The following SMUG1 variants were observed in gnomAD, a reference collection of about 807,000 sequenced individuals.
The protein encoded by SMUG1 is single-strand selective monofunctional uracil DNA glycosylase.
A neutral mutation model predicts 23.9 loss-of-function variants in SMUG1; 13 were observed. That is an observed-to-expected ratio of 0.54 (90% CI 0.35 to 0.86). SMUG1 has a LOEUF of 0.86. Ranked by LOEUF, SMUG1 falls within the 40% of genes least tolerant of loss-of-function variation. The pLI is 0.01. For synonymous variants in SMUG1, 133 were observed against 139.8 expected, an observed-to-expected ratio of 0.95 and a Z score of 0.34; for missense variants, 313 against 339.5, an observed-to-expected ratio of 0.92 and a Z score of 0.61.
chr12:54,171,712 A>G (rs1940625500), intron 3 of SMUG1, among the ~76,000 whole-genome samples: 1 of 143,286 alleles, frequency 7.0e-6, no homozygotes, highest in Non-Finnish European at 1.5e-5. Flanking sequence ...AAAAAAAGCT[A>G]TAGACTTGTG....
At chr12:54,159,081 AC>A (rs1307306319) in intron 4 of SMUG1, among the ~76,000 whole-genome samples, 4 of 151,040 alleles carry the variant, frequency 2.6e-5, no homozygotes, top group South Asian at 2.1e-4. Context: ...GTGCCCCCAC[AC>A]CCTCCTCACC....
intron 2 of SMUG1, among the ~76,000 whole-genome samples, chr12:54,174,836 T>G (rs1226451689): frequency 6.6e-6 from 1 of 152,168 alleles, no homozygotes; most frequent in Non-Finnish European, 1.5e-5. Context: ...TTTGCAGGTG[T>G]TTTGTTTGTT....
downstream of SMUG1, among the ~76,000 whole-genome samples, chr12:54,175,955 A>T (rs1940740241): frequency 6.6e-6 from 1 of 152,226 alleles, no homozygotes; most frequent in Non-Finnish European, 1.5e-5. Context: ...GGCCAGGCAC[A>T]GTGGCTCACG....
At chr12:54,177,995 G>C (rs1940797004), downstream of SMUG1, among the ~76,000 whole-genome samples, 1 of 152,146 alleles carries the variant, frequency 6.6e-6, no homozygotes, top group African/African-American at 2.4e-5. Context: ...AGGTTAAATT[G>C]GGTAATAAGG....
chr12:54,162,879 TA>T (rs1227281892), downstream of SMUG1: 1 of 152,192 alleles, frequency 6.6e-6, no homozygotes, highest in African/African-American at 2.4e-5. Flanking sequence ...AGAGCTTGGT[TA>T]TTTGCCCAGG....
intron 2 of SMUG1, among the ~76,000 whole-genome samples, chr12:54,174,164 C>T (rs2136549368): frequency 6.6e-6 from 1 of 152,278 alleles, no homozygotes; most frequent in Middle Eastern, 3.4e-3. Flanking sequence ...ACCTTCCATA[C>T]AGCCAGGTAA....
At position 54,181,722 on chromosome 12, in the gene SMUG1, G is replaced by A; in HGVS notation, c.*374C>T. The A allele has an allele frequency of 6.5e-7, 1 of 1,533,584 alleles. No homozygotes were observed. The highest frequency in any genetic ancestry group is 8.7e-7 in the Non-Finnish European group (1 of 1,144,422). The allele number at this position is 1,533,584 out of a possible 1,614,324, so 95.0% of individuals were successfully genotyped here. ...GGTATCCTGGCAAGATATTTCCTCT[G>A]AAATAGTAAACGTGACCTTAGAAGT... On this transcript the variant is annotated 3_prime_UTR_variant, in exon 4 of 4. Transcript: ENST00000682136.
intron 2 of SMUG1, among the ~76,000 whole-genome samples, chr12:54,173,652 G>A (rs1940683459): frequency 6.6e-6 from 1 of 152,204 alleles, no homozygotes; most frequent in Admixed American, 6.5e-5. Flanking sequence ...AGGAGCTGGG[G>A]GCCAGAGCGG....
chr12:54,165,841 T>C (rs143850917), intron 3 of SMUG1, among the ~76,000 whole-genome samples: 1 of 152,308 alleles, frequency 6.6e-6, no homozygotes, highest in African/African-American at 2.4e-5. Context: ...CTCAGCTTCC[T>C]AGATGAAACC....
chr12:54,164,233 G>A (rs1207035626), downstream of SMUG1, among the ~76,000 whole-genome samples: 1 of 151,828 alleles, frequency 6.6e-6, no homozygotes, highest in Non-Finnish European at 1.5e-5. Context: ...AGAAATGGAT[G>A]GCAGAGAAGG....
chr12:54,174,869 A>G (rs1364619012), intron 2 of SMUG1, among the ~76,000 whole-genome samples: 1 of 152,226 alleles, frequency 6.6e-6, no homozygotes, highest in Non-Finnish European at 1.5e-5. Context: ...TGAGAGGGTG[A>G]GGGCCAAAAT....
At chr12:54,178,857 G>C (rs1171335130), downstream of SMUG1, among the ~76,000 whole-genome samples, 1 of 152,162 alleles carries the variant, frequency 6.6e-6, no homozygotes, top group Non-Finnish European at 1.5e-5. Context: ...ATTTGAGTTA[G>C]TAGACTGGGA....
intron 1 of SMUG1, chr12:54,188,589 A>C (rs903055603): frequency 4.6e-5 from 7 of 152,144 alleles, no homozygotes; most frequent in African/African-American, 1.7e-4. Flanking sequence ...GCGCCATTGC[A>C]CTCCAGCCTG....
At chr12:54,160,159 T>C (rs549820495), downstream of SMUG1, among the ~76,000 whole-genome samples, 2 of 152,296 alleles carry the variant, frequency 1.3e-5, no homozygotes, top group Admixed American at 1.3e-4. Flanking sequence ...AGGTCAAAGA[T>C]GGCAGCTGGC....
At chr12:54,182,704 C>A (rs906018947) in intron 3 of SMUG1, 81 bp from the exon 4 acceptor site, 6 of 1,524,068 alleles carry the variant, frequency 3.9e-6, no homozygotes, top group Admixed American at 2.2e-5. Context: ...CTTCTTTATA[C>A]CTTACATGAG....
At chr12:54,160,113 C>T (rs79484923), downstream of SMUG1, among the ~76,000 whole-genome samples, 3,102 of 152,314 alleles carry the variant, frequency 0.02, 115 homozygotes, top group African/African-American at 0.071. Context: ...CATCTCCCAG[C>T]TGAATGGGCA....
In SMUG1 at chr12:54,181,836, A is replaced by G. The variant is rs3136391; in HGVS notation, c.*260T>C. ...GCAAGTGCAAAAGCACACCTTCTGCAGATTCCCTACAAAGTGGGGTCCCCT... is the reference window on the plus strand; with the variant it reads ...GCAAGTGCAAAAGCACACCTTCTGCGGATTCCCTACAAAGTGGGGTCCCCT... On this transcript the variant is annotated 3_prime_UTR_variant, in exon 4 of 4. Coordinates refer to ENST00000682136, the MANE Select transcript of SMUG1 (RefSeq NM_001243787.2). 2.7e-3 allele frequency: 3,786 copies of G among 1,422,846 alleles called. 78 individuals carry two copies. In the African/African-American group the frequency reaches 0.046, roughly 17 times the overall value. 88.1% of individuals were successfully genotyped at this position (1,422,846 alleles called of 1,614,324 possible).
chr12:54,160,862 G>A (rs1354790474), downstream of SMUG1, among the ~76,000 whole-genome samples: 3 of 152,230 alleles, frequency 2.0e-5, no homozygotes, highest in Non-Finnish European at 2.9e-5. Context: ...GAGACCAGCC[G>A]TGGCTGGAGG....
chr12:54,160,033 C>T (rs1940194422), downstream of SMUG1, among the ~76,000 whole-genome samples: 1 of 152,196 alleles, frequency 6.6e-6, no homozygotes, highest in Admixed American at 6.5e-5. Context: ...GGGCTTTCAC[C>T]TTGACAGTTT....
Sources: allele counts gnomAD v4.1 joint callset (sites outside exome capture counted in the v4.1 genomes callset), GRCh38; gene constraint gnomAD v4.1.1; transcripts MANE v1.5; gene names NCBI Gene and HGNC (gene_info 2026-07-23, HGNC 2026-07-21).